SIK3: variants seen among roughly 807,000 people sequenced by gnomAD.
SIK3 encodes SIK family kinase 3.
Under a neutral mutation model 144.2 loss-of-function variants are expected in SIK3, and 28 were observed. The ratio of observed to expected loss-of-function variants is 0.19; its 90% confidence interval spans 0.14 to 0.27. The LOEUF is 0.27. SIK3 is among the 10% of genes least tolerant of loss of function. SIK3 has a pLI of 1.00. For synonymous variants in SIK3, 686 were observed against 676.3 expected, an observed-to-expected ratio of 1.01 and a Z score of -0.22; for missense variants, 1,319 against 1,776.0, an observed-to-expected ratio of 0.74 and a Z score of 4.62.
intron 3 of SIK3, among the ~76,000 whole-genome samples, chr11:116,937,780 T>C (rs1052273301): frequency 1.3e-5 from 2 of 152,334 alleles, no homozygotes; most frequent in Admixed American, 6.5e-5. Context: ...TAAACTTGTT[T>C]CATTTTCCTC....
intron 2 of SIK3, among the ~76,000 whole-genome samples, chr11:116,955,456 A>T (rs1949105825): frequency 6.6e-6 from 1 of 152,208 alleles, no homozygotes; most frequent in Non-Finnish European, 1.5e-5. Context: ...CAGAAAGCAA[A>T]ATTAAAGCTT....
At chr11:117,055,926 C>T (rs1242347305) in intron 1 of SIK3, among the ~76,000 whole-genome samples, 1 of 152,178 alleles carries the variant, frequency 6.6e-6, no homozygotes, top group Non-Finnish European at 1.5e-5. Context: ...ATCAATGAAC[C>T]TGCCAGTGCC....
At chr11:116,893,267 G>A (rs922509512) in intron 6 of SIK3, among the ~76,000 whole-genome samples, 3 of 152,136 alleles carry the variant, frequency 2.0e-5, no homozygotes, top group Non-Finnish European at 4.4e-5. Context: ...CTCTGGTGGG[G>A]CACATTGATT....
intron 1 of SIK3, among the ~76,000 whole-genome samples, chr11:117,086,775 T>C (rs1232902152): frequency 6.6e-6 from 1 of 150,562 alleles, no homozygotes; most frequent in Non-Finnish European, 1.5e-5. Flanking sequence ...GGCAGGTGGA[T>C]CACAAAGTCA....
chr11:116,990,906 C>T (rs1241800093), intron 1 of SIK3, among the ~76,000 whole-genome samples: 1 of 152,212 alleles, frequency 6.6e-6, no homozygotes, highest in Non-Finnish European at 1.5e-5. Context: ...TTTTCTTCTA[C>T]AATGAAAGCT....
At chr11:117,078,580 TTTA>T (rs1954655035) in intron 1 of SIK3, among the ~76,000 whole-genome samples, 1 of 151,950 alleles carries the variant, frequency 6.6e-6, no homozygotes, top group Admixed American at 6.6e-5. Flanking sequence ...TTTTTGTATT[TTTA>T]GTAGAGATGG....
chr11:116,917,101 C>T (rs548565463), intron 4 of SIK3, among the ~76,000 whole-genome samples: 6 of 152,080 alleles, frequency 3.9e-5, no homozygotes, highest in African/African-American at 9.6e-5. Flanking sequence ...ACTACAGGTG[C>T]GTGCGACCAC....
chr11:117,081,197 T>G (rs1164016553), intron 1 of SIK3, among the ~76,000 whole-genome samples: 1 of 152,170 alleles, frequency 6.6e-6, no homozygotes. Context: ...AAAATCTGGT[T>G]ATAAATAGTT....
chr11:116,877,026 G>A lies in SIK3; in HGVS notation c.882C>T (p.Ile294=). ...TGGGATCTAACACCAACATATGGCG[G>A]ATCAAATGCTCACATTCTGCAATGG... The part of the protein sequence containing the change: ...FFMSTECEHL[I]RHMLVLDPNK... The change falls in exon 7 of 25, where the codon ATC becomes ATT. Residue 294 remains isoleucine, a synonymous_variant. Transcript: ENST00000445177. The A allele has an allele frequency of 6.2e-7, 1 of 1,614,076 alleles. No individual in the cohort carries two copies. Among genetic ancestry groups the A allele is most frequent in the Admixed American group, 1.7e-5 (1 of 60,018 alleles).
At chr11:117,023,605 C>CAAAAAAAAAAA (rs1306485013) in intron 1 of SIK3, among the ~76,000 whole-genome samples, 1 of 64,126 alleles carries the variant, frequency 1.6e-5, no homozygotes, top group Admixed American at 1.4e-4. Context: ...AACAAACAAA[C>CAAAAAAAAAAA]AAACAAAAAA....
chr11:116,895,996 C>T (rs763548295), intron 6 of SIK3, among the ~76,000 whole-genome samples: 12 of 152,200 alleles, frequency 7.9e-5, no homozygotes, highest in South Asian at 2.1e-4. Flanking sequence ...ACAAAACTCT[C>T]AGCCAATTTA....
chr11:116,965,604 G>A (rs1390598839), intron 1 of SIK3, among the ~76,000 whole-genome samples: 1 of 136,520 alleles, frequency 7.3e-6, no homozygotes, highest in Non-Finnish European at 1.6e-5. Flanking sequence ...AAAAAAAAGA[G>A]AGGGAAGAGG....
chr11:116,988,700 G>A (rs1481633140), intron 1 of SIK3, among the ~76,000 whole-genome samples: 2 of 151,640 alleles, frequency 1.3e-5, no homozygotes, highest in South Asian at 2.1e-4. Flanking sequence ...AGGCTGAGGT[G>A]GAAGGATTGC....
chr11:117,009,792 A>C (rs1951187070), intron 1 of SIK3, among the ~76,000 whole-genome samples: 1 of 152,040 alleles, frequency 6.6e-6, no homozygotes. Flanking sequence ...TCTGAGTCTA[A>C]ATTTTTAACC....
intron 4 of SIK3, among the ~76,000 whole-genome samples, chr11:116,917,707 A>C (rs1225018710): frequency 6.6e-6 from 1 of 151,014 alleles, no homozygotes; most frequent in Non-Finnish European, 1.5e-5. Flanking sequence ...GGAGGGAGGG[A>C]GGCAAGGAAG....
chr11:117,054,846 G>A (rs986892671), intron 1 of SIK3, among the ~76,000 whole-genome samples: 1 of 152,160 alleles, frequency 6.6e-6, no homozygotes, highest in Non-Finnish European at 1.5e-5. Context: ...GGTTGCATAT[G>A]AAGGATAAGG....
rs117239858 is a variant in SIK3, at chr11:117,044,525, C to T, written c.273+53618G>A. On this transcript the variant is annotated intron_variant, in intron 1 of 24. Coordinates refer to ENST00000445177, the MANE Select transcript of SIK3 (RefSeq NM_001366686.3). ...TAATACAAAAACACAATAAAGCCTG[C>T]CAGGAAACAGTATTTCCCTCCTCGG... Among the ~76,000 whole-genome samples the T allele has an allele frequency of 8.1e-4, 123 of 152,066 alleles. 1 individual carries two copies. The highest frequency in any genetic ancestry group is 1.6e-3 in the Non-Finnish European group (110 of 67,992).
Position 117,098,196 on chromosome 11 carries a change from T to C in SIK3, c.220A>G (p.Lys74Glu). 6.6e-7 allele frequency: 1 copy of C among 1,519,558 alleles called. No individual in the cohort carries two copies. The highest frequency in any genetic ancestry group is 8.8e-7 in the Non-Finnish European group (1 of 1,133,688). 94.1% of individuals were successfully genotyped at this position (1,519,558 alleles called of 1,614,324 possible). A position where few individuals can be genotyped will look rare whatever the true frequency, so the allele number is the denominator to read the frequency against. The change falls in exon 1 of 25, where the codon AAG becomes GAG. Residue 74 changes from lysine to glutamate, a missense_variant. Coordinates refer to ENST00000445177, the MANE Select transcript of SIK3 (RefSeq NM_001366686.3). The part of the protein sequence containing the change: ...GYYEIDRTIG[K>E]GNFAVVKRAT... ...CGCTTGACCACCGCGAAGTTGCCCTTGCCGATGGTGCGGTCGATCTCGTAG... is the reference window on the plus strand; with the variant it reads ...CGCTTGACCACCGCGAAGTTGCCCTCGCCGATGGTGCGGTCGATCTCGTAG...
chr11:116,904,509 G>C (rs1401258840), intron 4 of SIK3, among the ~76,000 whole-genome samples: 1 of 151,152 alleles, frequency 6.6e-6, no homozygotes, highest in Non-Finnish European at 1.5e-5. Flanking sequence ...AATTTTATTA[G>C]ACTTCAGATA....
Sources: allele counts gnomAD v4.1 joint callset (sites outside exome capture counted in the v4.1 genomes callset), GRCh38; gene constraint gnomAD v4.1.1; transcripts MANE v1.5; gene names NCBI Gene and HGNC (gene_info 2026-07-23, HGNC 2026-07-21).